PARP11: variants seen among roughly 807,000 people sequenced by gnomAD.
PARP11 encodes the protein protein mono-ADP-ribosyltransferase PARP11.
In PARP11, 31 loss-of-function variants were observed where a neutral mutation model predicts 42.9. That is an observed-to-expected ratio of 0.72 (90% confidence interval 0.54 to 0.98). The LOEUF is 0.98. Among genes scored for constraint, PARP11 ranks in the 50% least tolerant of loss-of-function variants. The pLI is 0.00. For missense variants in PARP11, 365 were observed against 413.1 expected (o/e 0.88, Z 1.01); for synonymous variants, 137 against 127.3 (o/e 1.08, Z -0.51).
In PARP11 at chr12:3,873,395, A is replaced by G. The variant is rs1272749660; in HGVS notation, c.-166T>C. 2.1e-5 allele frequency: 14 copies of G among 669,612 alleles called. No homozygotes were observed. The South Asian group carries it at 2.5e-4, about 12-fold the overall frequency. The allele number at this position is 669,612 out of a possible 1,614,324, so 41.5% of individuals were successfully genotyped here. On this transcript the variant is annotated 5_prime_UTR_variant, in exon 1 of 8. Coordinates refer to ENST00000228820, the MANE Select transcript of PARP11 (RefSeq NM_020367.6). The stretch of plus-strand genomic sequence containing the variant: ...CTCCCTGTCACAAGCCAGCGTTTAC[A>G]GACCACCCAACCTCCCGACTTCCGC...
intron 6 of PARP11, among the ~76,000 whole-genome samples, chr12:3,815,474 TTAAA>T (rs1425808184): frequency 2.0e-5 from 3 of 152,172 alleles, no homozygotes; most frequent in African/African-American, 7.2e-5. Context: ...CTTTTCTTGG[TTAAA>T]TATACACCAT....
intron 1 of PARP11, among the ~76,000 whole-genome samples, chr12:3,837,892 G>C (rs1947800095): frequency 6.6e-6 from 1 of 151,636 alleles, no homozygotes; most frequent in East Asian, 1.9e-4. Context: ...GGTCAACGAA[G>C]CAAGTGGACA....
At chr12:3,849,854 T>C (rs975532029) in intron 1 of PARP11, among the ~76,000 whole-genome samples, 3 of 152,148 alleles carry the variant, frequency 2.0e-5, no homozygotes, top group Non-Finnish European at 2.9e-5. Context: ...AAGACAAGTA[T>C]TTAAGGTGAT....
chr12:3,855,896 C>G (rs1948180425), intron 1 of PARP11, among the ~76,000 whole-genome samples: 1 of 152,120 alleles, frequency 6.6e-6, no homozygotes, highest in Non-Finnish European at 1.5e-5. Context: ...GCTACAGTAA[C>G]CAAAACAGCA....
At chr12:3,846,634 G>A (rs184968072) in intron 1 of PARP11, among the ~76,000 whole-genome samples, 501 of 152,026 alleles carry the variant, frequency 3.3e-3, no homozygotes, top group African/African-American at 0.011. Flanking sequence ...GCAGGCGCCT[G>A]TAGTCCCAGC....
chr12:3,834,810 A>G lies in PARP11; in HGVS notation c.19-4792T>C, dbSNP rs140172629. On this transcript the variant is annotated intron_variant, in intron 1 of 7. Coordinates refer to ENST00000228820, the MANE Select transcript of PARP11 (RefSeq NM_020367.6). ...ATCAGAGAGGAGTCAGAAAGGCAGT[A>G]TAAAAACACTAGGCTGTGTACACCC... is the stretch of plus-strand genomic sequence containing the variant. Among the ~76,000 whole-genome samples the G allele has an allele frequency of 8.5e-5, 13 of 152,212 alleles. No individual in the cohort carries two copies. The East Asian group carries it at 2.3e-3, about 27-fold the overall frequency.
chr12:3,857,364 T>C (rs1291878877), intron 1 of PARP11, among the ~76,000 whole-genome samples: 3 of 152,160 alleles, frequency 2.0e-5, no homozygotes, highest in Non-Finnish European at 2.9e-5. Context: ...GAGAAATTCA[T>C]TGATGAGTTT....
chr12:3,828,672 AAT>A (rs1372772428), intron 3 of PARP11, among the ~76,000 whole-genome samples: 4 of 152,220 alleles, frequency 2.6e-5, no homozygotes, highest in African/African-American at 9.6e-5. Context: ...AAATGCACTT[AAT>A]ATATAAGACA....
chr12:3,867,746 T>C (rs1948415889), intron 1 of PARP11, among the ~76,000 whole-genome samples: 2 of 152,152 alleles, frequency 1.3e-5, no homozygotes, highest in African/African-American at 4.8e-5. Flanking sequence ...AAACAAAACA[T>C]GGGAAAATAC....
chr12:3,871,539 G>A (rs1204796711), intron 1 of PARP11, among the ~76,000 whole-genome samples: 1 of 152,086 alleles, frequency 6.6e-6, no homozygotes, highest in African/African-American at 2.4e-5. Flanking sequence ...ACTCTATGAC[G>A]TTGGCACAAT....
rs547357906 is a variant in PARP11 at position 3,828,884 on chromosome 12, C to T, written c.268+26G>A. Reference sequence around the variant, plus strand: ...TTATCATATCAATATACTAAAAACACACAACTATTAGGGAAAAAAACATAC... The same window carrying T: ...TTATCATATCAATATACTAAAAACATACAACTATTAGGGAAAAAAACATAC... On this transcript the variant is annotated intron_variant, in intron 3 of 7. Transcript: ENST00000228820. The T allele has an allele frequency of 8.8e-5, 142 of 1,606,554 alleles. 2 individuals are homozygous for T. In the South Asian group the frequency reaches 1.4e-3, roughly 16 times the overall value.
At chr12:3,814,250 T>G (rs997021625) in intron 6 of PARP11, 62 bp from the exon 7 acceptor site, 23 of 1,344,742 alleles carry the variant, frequency 1.7e-5, no homozygotes, top group Non-Finnish European at 2.3e-5. Context: ...TAGCATTTAT[T>G]AATCTTAATG....
Position 3,840,828 on chromosome 12 carries a change from G to A in PARP11, c.19-10810C>T. ...TTTCATCACCATCAAAGTCAAAGAA[G>A]TTAGAGTGCCCTTCTCCTGCAGAAC... On this transcript the variant is annotated intron_variant, in intron 1 of 7. Coordinates refer to ENST00000228820, the MANE Select transcript of PARP11 (RefSeq NM_020367.6). The surrounding 1 kb of genome is among the most constrained non-coding windows in gnomAD (Gnocchi z 4.4). 3.1e-6 allele frequency: 5 copies of A among 1,596,304 alleles called. No individual in the cohort carries two copies. Among genetic ancestry groups the A allele is most frequent in the Non-Finnish European group, 4.3e-6 (5 of 1,163,784 alleles).
Position 3,812,167 on chromosome 12 carries a change from C to G in PARP11, c.973G>C (p.Asp325His). 4.3e-6 allele frequency: 7 copies of G among 1,613,914 alleles called. No individual in the cohort carries two copies. The highest frequency in any genetic ancestry group is 1.3e-5 in the African/African-American group (1 of 74,984). ...TACTCAGGATAGATTTGGTTGGCAT[C>G]AAAAACCACAAAGATCTTTGGGTTC... ...TWNPKIFVVF[D>H]ANQIYPEYLI... is the part of the protein sequence containing the mutation. Residue 325 changes from aspartate (D) to histidine (H), a missense_variant, in exon 8 of 8, where the codon GAT (aspartate) becomes CAT (histidine). By Grantham distance (81) the Asp-to-His change is moderately conservative. Transcript: ENST00000228820.
chr12:3,830,137 C>T (rs1353849095), intron 1 of PARP11, 119 bp from the exon 2 acceptor site: 3 of 794,362 alleles, frequency 3.8e-6, no homozygotes, highest in Non-Finnish European at 5.9e-6. Flanking sequence ...TCCCATGACA[C>T]TTTAAAAACA....
intron 1 of PARP11, among the ~76,000 whole-genome samples, chr12:3,849,190 G>T (rs1948051249): frequency 6.6e-6 from 1 of 151,974 alleles, no homozygotes. Context: ...GGAGAAAATG[G>T]AACCCTCGTT....
intron 2 of PARP11, among the ~76,000 whole-genome samples, chr12:3,829,246 C>T (rs1441790779): frequency 1.3e-5 from 2 of 152,018 alleles, no homozygotes; most frequent in African/African-American, 4.8e-5. Context: ...GGTTATAGTC[C>T]CCTTCAATAA....
At chr12:3,821,765 G>GAA in intron 6 of PARP11, 108 bp downstream of exon 6, 1 of 1,204,310 alleles carries the variant, frequency 8.3e-7, no homozygotes, top group Admixed American at 2.3e-5. Context: ...TACGGCAAGA[G>GAA]AAAAACAGCA....
intron 1 of PARP11, among the ~76,000 whole-genome samples, chr12:3,855,904 G>A (rs1411469500): frequency 6.6e-6 from 1 of 152,180 alleles, no homozygotes; most frequent in Non-Finnish European, 1.5e-5. Flanking sequence ...AACCAAAACA[G>A]CATGGTACTG....
Sources: gnomAD v4.1 joint callset for allele counts (sites outside exome capture counted in the v4.1 genomes callset) on GRCh38, gnomAD v4.1.1 for gene constraint, Gnocchi (gnomAD v3.1) non-coding constraint, MANE v1.5 for transcripts, NCBI Gene and HGNC (gene_info 2026-07-23, HGNC 2026-07-21) for gene names.